Variants in ABCC4 observed in about 807,000 individuals in gnomAD.
ABCC4 encodes the protein ATP binding cassette subfamily C member 4 (PEL blood group).
A neutral mutation model predicts 168.5 loss-of-function variants in ABCC4; 102 were observed. That is an observed-to-expected ratio of 0.61 (90% CI 0.52 to 0.71). The LOEUF is 0.71. ABCC4 is among the 30% of genes least tolerant of loss of function. ABCC4 has a pLI of 0.00. For missense variants in ABCC4, 1,402 were observed against 1,605.8 expected, an observed-to-expected ratio of 0.87 and a Z score of 2.17; for synonymous variants, 617 against 590.7, an observed-to-expected ratio of 1.04 and a Z score of -0.65.
chr13:95,202,796 G>A (rs534532995), intron 8 of ABCC4, among the ~76,000 whole-genome samples: 2 of 152,008 alleles, frequency 1.3e-5, no homozygotes, highest in African/African-American at 2.4e-5. Flanking sequence ...TTACAGGTGC[G>A]TGCCACCATG....
At chr13:95,151,112 T>C (rs2036659305) in intron 19 of ABCC4, among the ~76,000 whole-genome samples, 1 of 152,230 alleles carries the variant, frequency 6.6e-6, no homozygotes, top group Non-Finnish European at 1.5e-5. Flanking sequence ...GACTTCCATT[T>C]GGCAGCTGCA....
rs1222961220 is a variant in ABCC4, at chr13:95,049,204, C to A, written c.3456+3891G>T. Among the ~76,000 whole-genome samples, 2 of 151,776 alleles carry A rather than the reference C, an allele frequency of 1.3e-5. 1 individual carries two copies. Among genetic ancestry groups the A allele is most frequent in the East Asian group, 3.9e-4 (2 of 5,164 alleles). On this transcript the variant is annotated intron_variant, in intron 27 of 30. Coordinates refer to ENST00000645237, the MANE Select transcript of ABCC4 (RefSeq NM_005845.5). ...CAAAAATTAGCCAGGCATGGTGGGG[C>A]TTGCCTTTAATCCTAGCTACCTGGG... is the stretch of plus-strand genomic sequence containing the variant.
At chr13:95,260,247 A>G (rs1259659171) in intron 1 of ABCC4, among the ~76,000 whole-genome samples, 1 of 152,010 alleles carries the variant, frequency 6.6e-6, no homozygotes, top group African/African-American at 2.4e-5. Context: ...CAAAATCCCT[A>G]CCTCAGCCTG....
At chr13:95,191,522 G>A (rs547687035) in intron 9 of ABCC4, among the ~76,000 whole-genome samples, 3 of 152,120 alleles carry the variant, frequency 2.0e-5, no homozygotes, top group African/African-American at 4.8e-5. Flanking sequence ...GAAAAATAAC[G>A]TTAAACAAAA....
chr13:95,210,691 C>G lies in ABCC4; in HGVS notation c.621+1G>C. ...AAAAGGATCCCTGAGCTGCAGCTTA[C>G]CTGATCAAACTTGTTCACATCATTG... On this transcript the variant is annotated splice_donor_variant, in intron 5 of 30. Coordinates refer to ENST00000645237, the MANE Select transcript of ABCC4 (RefSeq NM_005845.5). LOFTEE classifies it high-confidence loss of function. 1 of 1,613,570 alleles carries G rather than the reference C, an allele frequency of 6.2e-7. No individual in the cohort carries two copies. Among genetic ancestry groups the G allele is most frequent in the Non-Finnish European group, 8.5e-7 (1 of 1,179,516 alleles).
At chr13:95,159,098 T>TATATAG in intron 19 of ABCC4, among the ~76,000 whole-genome samples, 1 of 57,776 alleles carries the variant, frequency 1.7e-5, no homozygotes, top group Non-Finnish European at 3.0e-5. Flanking sequence ...AAATTTTATA[T>TATATAG]ATATATATAT....
chr13:95,122,539 C>G (rs945151720), intron 19 of ABCC4, among the ~76,000 whole-genome samples: 2 of 152,144 alleles, frequency 1.3e-5, no homozygotes, highest in African/African-American at 2.4e-5. Context: ...TTTTTAGAAA[C>G]AGTGAGGAAA....
chr13:95,042,339 A>G (rs1225271294), intron 29 of ABCC4, among the ~76,000 whole-genome samples: 2 of 152,138 alleles, frequency 1.3e-5, no homozygotes, highest in Non-Finnish European at 2.9e-5. Flanking sequence ...TATCCATTGC[A>G]CCATCTTCAC....
intron 19 of ABCC4, among the ~76,000 whole-genome samples, chr13:95,117,203 A>G (rs1282496803): frequency 6.6e-6 from 1 of 151,978 alleles, no homozygotes; most frequent in African/African-American, 2.4e-5. Context: ...TGAGCCTCTA[A>G]TAACACCTCC....
At chr13:95,187,684 C>G (rs2038112738) in intron 10 of ABCC4, among the ~76,000 whole-genome samples, 1 of 152,084 alleles carries the variant, frequency 6.6e-6, no homozygotes, top group African/African-American at 2.4e-5. Context: ...CTAGGAAGGA[C>G]TTTTATTTTT....
intron 19 of ABCC4, among the ~76,000 whole-genome samples, chr13:95,155,506 AAT>A (rs2036825421): frequency 6.6e-6 from 1 of 152,222 alleles, no homozygotes; most frequent in African/African-American, 2.4e-5. Flanking sequence ...GGAAGAAGTC[AAT>A]ATGTTTCTTT....
chr13:95,301,055 C>G (rs997016440), intron 1 of ABCC4, among the ~76,000 whole-genome samples, 186 bp downstream of exon 1: 4 of 152,018 alleles, frequency 2.6e-5, no homozygotes, highest in African/African-American at 9.7e-5. Flanking sequence ...AGGCAGGGAC[C>G]ACGCGGCCGG....
chr13:95,207,848 A>G lies in ABCC4; in HGVS notation c.863T>C (p.Met288Thr). ...EVITGIRIIK[M>T]YAWEKSFSNL... is the part of the protein sequence containing the mutation. ...TGAAAATGACTTTTCCCAGGCGTAC[A>G]TTTTTATTATCCTTATACCAGTTAT... The change falls in exon 7 of 31, where the codon ATG becomes ACG. Residue 288 changes from methionine (M) to threonine (T), a missense_variant. Physicochemically the swap from Met to Thr is moderately conservative, Grantham distance 81. Transcript: ENST00000645237. 6.2e-7 allele frequency: 1 copy of G among 1,613,126 alleles called. No individual in the cohort carries two copies. Among genetic ancestry groups the G allele is most frequent in the Non-Finnish European group, 8.5e-7 (1 of 1,179,786 alleles).
At chr13:95,273,348 G>A (rs933776330) in intron 1 of ABCC4, among the ~76,000 whole-genome samples, 3 of 152,100 alleles carry the variant, frequency 2.0e-5, no homozygotes, top group Non-Finnish European at 2.9e-5. Context: ...CAGCTCTGTC[G>A]GCCTGGATGG....
At chr13:95,248,452 T>C (rs2040168371) in intron 1 of ABCC4, among the ~76,000 whole-genome samples, 1 of 152,068 alleles carries the variant, frequency 6.6e-6, no homozygotes, top group African/African-American at 2.4e-5. Context: ...GACAAAATAG[T>C]AATCTTGCAG....
intron 8 of ABCC4, among the ~76,000 whole-genome samples, chr13:95,197,525 C>T (rs527884727): frequency 1.8e-4 from 27 of 152,156 alleles, no homozygotes; most frequent in Non-Finnish European, 3.2e-4. Context: ...AACACATGAA[C>T]GGCTTGTAAA....
intron 5 of ABCC4, 29 bp from the exon 6 acceptor site, chr13:95,209,626 G>A: frequency 1.3e-6 from 2 of 1,587,138 alleles, no homozygotes; most frequent in Non-Finnish European, 1.7e-6. Flanking sequence ...AGCGTTCTTA[G>A]GACTCCAGAA....
intron 14 of ABCC4, among the ~76,000 whole-genome samples, chr13:95,167,201 A>AATAAATAC (rs1287909376): frequency 4.6e-5 from 7 of 151,438 alleles, no homozygotes; most frequent in African/African-American, 1.7e-4. Flanking sequence ...TAAATAAATA[A>AATAAATAC]ATAAATAAAT....
intron 20 of ABCC4, among the ~76,000 whole-genome samples, chr13:95,094,976 T>TA (rs1365645932): frequency 1.3e-5 from 2 of 152,038 alleles, no homozygotes; most frequent in Non-Finnish European, 2.9e-5. Flanking sequence ...ATGGCCATAA[T>TA]AAAAAAATCA....
Sources: gnomAD v4.1 joint callset for allele counts (sites outside exome capture counted in the v4.1 genomes callset) on GRCh38, gnomAD v4.1.1 for gene constraint, MANE v1.5 for transcripts, NCBI Gene and HGNC (gene_info 2026-07-23, HGNC 2026-07-21) for gene names.